CCSER1: variants seen among roughly 807,000 people sequenced by gnomAD.
CCSER1 encodes the protein coiled-coil serine rich protein 1.
Under a neutral mutation model 82.0 loss-of-function variants are expected in CCSER1, and 41 were observed. The observed-to-expected ratio is 0.50, with a 90% CI of 0.39 to 0.65. The LOEUF (loss-of-function observed/expected upper bound fraction) is 0.65. Ranked by LOEUF, CCSER1 falls within the 30% of genes least tolerant of loss-of-function variation. The probability of loss-of-function intolerance (pLI) is 0.00; values close to 1 mark genes in which losing one functional copy is unlikely to be tolerated. For synonymous variants in CCSER1, 414 were observed against 383.9 expected (o/e 1.08, Z -0.92); for missense variants, 1,119 against 1,064.2 (o/e 1.05, Z -0.72).
At chr4:91,532,305 C>T (rs752426322) in intron 10 of CCSER1, among the ~76,000 whole-genome samples, 13 of 152,106 alleles carry the variant, frequency 8.5e-5, no homozygotes, top group South Asian at 2.1e-4. Flanking sequence ...TAGAAAAAGA[C>T]GCATTATAAA....
chr4:91,203,490 G>C (rs1736095583), intron 10 of CCSER1, among the ~76,000 whole-genome samples: 1 of 151,014 alleles, frequency 6.6e-6, no homozygotes, highest in Admixed American at 6.6e-5. Flanking sequence ...ATATTCTAGA[G>C]GAATTAGATA....
chr4:90,222,334 T>C (rs1742306003), intron 1 of CCSER1, among the ~76,000 whole-genome samples: 1 of 152,222 alleles, frequency 6.6e-6, no homozygotes, highest in Admixed American at 6.5e-5. Flanking sequence ...TTAATTTTCC[T>C]TCCTTCTCTT....
At chr4:90,946,495 G>A (rs28591264) in intron 9 of CCSER1, among the ~76,000 whole-genome samples, 3 of 151,840 alleles carry the variant, frequency 2.0e-5, no homozygotes, top group Non-Finnish European at 4.4e-5. Context: ...GCCAGGCGTG[G>A]TTCCAGGCGC....
chr4:90,624,739 G>A (rs1722964901), intron 5 of CCSER1, among the ~76,000 whole-genome samples: 1 of 152,056 alleles, frequency 6.6e-6, no homozygotes, highest in Admixed American at 6.6e-5. Flanking sequence ...TGTTATTTTG[G>A]TACTTATGGA....
chr4:90,183,203 A>G (rs910551458), intron 1 of CCSER1, among the ~76,000 whole-genome samples: 1 of 152,120 alleles, frequency 6.6e-6, no homozygotes, highest in Non-Finnish European at 1.5e-5. Context: ...ATTACAGAGT[A>G]GATGAAATTT....
chr4:90,261,683 T>C (rs1380481530), intron 1 of CCSER1, among the ~76,000 whole-genome samples: 3 of 152,196 alleles, frequency 2.0e-5, no homozygotes, highest in Non-Finnish European at 2.9e-5. Context: ...AATTATTCCC[T>C]GAAATATCTT....
intron 10 of CCSER1, among the ~76,000 whole-genome samples, chr4:91,492,520 A>G (rs1922226): frequency 0.74 from 112,445 of 151,934 alleles, 42,293 homozygotes; most frequent in East Asian, 0.93. Context: ...TATATCCCCC[A>G]GATAAGTCCA....
intron 10 of CCSER1, among the ~76,000 whole-genome samples, chr4:91,570,067 C>T (rs778432061): frequency 2.6e-5 from 4 of 152,288 alleles, no homozygotes; most frequent in Middle Eastern, 3.4e-3. Flanking sequence ...AGTCCAAAAT[C>T]CAATAGGGTA....
intron 9 of CCSER1, among the ~76,000 whole-genome samples, chr4:90,980,430 C>T (rs1736007344): frequency 6.6e-6 from 1 of 151,728 alleles, no homozygotes; most frequent in South Asian, 2.1e-4. Context: ...GCCTCATAGA[C>T]CTTCATGAAA....
At chr4:91,119,001 T>G (rs1001948075) in intron 10 of CCSER1, among the ~76,000 whole-genome samples, 6 of 152,168 alleles carry the variant, frequency 3.9e-5, no homozygotes, top group African/African-American at 7.2e-5. Flanking sequence ...AAAGACAACT[T>G]AAATTTCCTT....
chr4:90,257,488 G>A (rs1203197986), intron 1 of CCSER1, among the ~76,000 whole-genome samples: 1 of 151,956 alleles, frequency 6.6e-6, no homozygotes, highest in East Asian at 1.9e-4. Flanking sequence ...AGCATAGCAT[G>A]CTCCTTGTGT....
At chr4:91,124,807 T>A (rs1053727392) in intron 10 of CCSER1, among the ~76,000 whole-genome samples, 6 of 151,750 alleles carry the variant, frequency 4.0e-5, no homozygotes, top group African/African-American at 1.4e-4. Flanking sequence ...GTCTTAGTAA[T>A]CAGAGTTTGG....
At chr4:91,006,035 A>G (rs1238775460) in intron 9 of CCSER1, among the ~76,000 whole-genome samples, 1 of 152,180 alleles carries the variant, frequency 6.6e-6, no homozygotes, top group Non-Finnish European at 1.5e-5. Flanking sequence ...CTGTTTGCTC[A>G]TGATTGCGTT....
intron 10 of CCSER1, among the ~76,000 whole-genome samples, chr4:91,269,294 A>G (rs1190428225): frequency 1.3e-5 from 2 of 152,226 alleles, no homozygotes; most frequent in Admixed American, 6.5e-5. Context: ...GCACAAAACT[A>G]GTAGCCATTT....
intron 5 of CCSER1, among the ~76,000 whole-genome samples, chr4:90,547,267 T>G (rs1242357122): frequency 6.6e-6 from 1 of 152,018 alleles, no homozygotes; most frequent in Non-Finnish European, 1.5e-5. Context: ...TGAAGAATAG[T>G]TGTGTATTTT....
At chr4:91,342,541 GTTTC>G (rs201031002) in intron 10 of CCSER1, among the ~76,000 whole-genome samples, 1,771 of 152,128 alleles carry the variant, frequency 0.012, 17 homozygotes, top group Admixed American at 0.019. Flanking sequence ...ACTAATTTTT[GTTTC>G]TTTTATTTCT....
intron 9 of CCSER1, among the ~76,000 whole-genome samples, chr4:91,015,691 G>T (rs1739369679): frequency 6.6e-6 from 1 of 151,612 alleles, no homozygotes; most frequent in Non-Finnish European, 1.5e-5. Context: ...TTAGCAATTT[G>T]CTATATAAAA....
At chr4:91,039,832 A>G (rs1229166617) in intron 9 of CCSER1, among the ~76,000 whole-genome samples, 1 of 152,162 alleles carries the variant, frequency 6.6e-6, no homozygotes, top group Non-Finnish European at 1.5e-5. Context: ...TGTATCTATA[A>G]GGACAGTTAT....
At chr4:90,227,368 G>A (rs748897102) in intron 1 of CCSER1, among the ~76,000 whole-genome samples, 1 of 152,166 alleles carries the variant, frequency 6.6e-6, no homozygotes, top group African/African-American at 2.4e-5. Context: ...TGGGAAATCT[G>A]TGTTTTTTGC....
Sources: gnomAD v4.1 joint callset for allele counts (sites outside exome capture counted in the v4.1 genomes callset) on GRCh38, gnomAD v4.1.1 for gene constraint, MANE v1.5 for transcripts, NCBI Gene and HGNC (gene_info 2026-07-23, HGNC 2026-07-21) for gene names.